The following PCSK5 variants were observed in gnomAD, a reference collection of about 807,000 sequenced individuals.
PCSK5 encodes proprotein convertase subtilisin/kexin type 5, also known as prohormone convertase 5.
In PCSK5, 129 loss-of-function variants were observed where a neutral mutation model predicts 233.2. The observed-to-expected ratio is 0.55, with a 90% confidence interval of 0.48 to 0.64. PCSK5 has a LOEUF of 0.64. PCSK5 is among the 30% of genes least tolerant of loss of function. PCSK5 has a pLI of 0.00. For synonymous variants in PCSK5, 825 were observed against 879.2 expected (o/e 0.94, Z 1.09); for missense variants, 2,076 against 2,430.1 (o/e 0.85, Z 3.06).
intron 2 of PCSK5, among the ~76,000 whole-genome samples, chr9:75,967,044 C>G (rs6560478): frequency 0.33 from 50,655 of 151,628 alleles, 8,652 homozygotes; most frequent in Middle Eastern, 0.37. Context: ...TTGAATCTTA[C>G]TGCAAATACA....
At chr9:76,163,719 TTTTAGATGAGAGCAAC>T (rs1374112040) in intron 12 of PCSK5, among the ~76,000 whole-genome samples, 7 of 152,092 alleles carry the variant, frequency 4.6e-5, no homozygotes, top group Non-Finnish European at 8.8e-5. Flanking sequence ...TTGAAAATGT[TTTTAGATGAGAGCAAC>T]TTTAGATATA....
At chr9:76,040,385 GTCTCTCTCTC>G (rs5898445) in intron 5 of PCSK5, among the ~76,000 whole-genome samples, 8 of 80,622 alleles carry the variant, frequency 9.9e-5, no homozygotes, top group African/African-American at 1.7e-4. Context: ...CTCTCTCTCT[GTCTCTCTCTC>G]TCTCTCTCTC....
intron 5 of PCSK5, among the ~76,000 whole-genome samples, chr9:76,042,759 C>T (rs1268106584): frequency 1.3e-5 from 2 of 152,226 alleles, no homozygotes; most frequent in Admixed American, 1.3e-4. Context: ...AAGCACTCCA[C>T]TCCCACCAAA....
chr9:76,122,829 T>TTTTTTTTTTTTTC (rs1832697773), intron 9 of PCSK5, among the ~76,000 whole-genome samples: 1 of 126,642 alleles, frequency 7.9e-6, no homozygotes, highest in Non-Finnish European at 1.7e-5. Context: ...TTTTTTTTCT[T>TTTTTTTTTTTTTC]TTTTTTTTTT....
At chr9:76,343,333 T>TTGTGTGTGTGTG (rs57513234) in intron 35 of PCSK5, among the ~76,000 whole-genome samples, 73 of 133,896 alleles carry the variant, frequency 5.5e-4, no homozygotes, top group East Asian at 2.3e-3. Context: ...CCTGGGTAAT[T>TTGTGTGTGTGTG]TGTGTGTGTG....
At chr9:76,054,812 A>T (rs1258327326) in intron 5 of PCSK5, among the ~76,000 whole-genome samples, 1 of 152,024 alleles carries the variant, frequency 6.6e-6, no homozygotes, top group Non-Finnish European at 1.5e-5. Context: ...TACAGGCCTT[A>T]CTCAGATTTC....
chr9:76,343,839 G>A (rs139054756), intron 35 of PCSK5, among the ~76,000 whole-genome samples: 1 of 152,116 alleles, frequency 6.6e-6, no homozygotes, highest in East Asian at 1.9e-4. Context: ...AGACAGCCAA[G>A]GTCCCCGCAG....
chr9:76,238,981 C>A lies in PCSK5; in HGVS notation c.2889C>A (p.Phe963Leu). The part of the protein sequence containing the change: ...CGADNYGREH[F>L]LYQGECGDSC... ...CAGACAACTATGGCCGAGAGCACTT[C>A]CTGTACCAGGGAGAGTGTGGAGATA... is the stretch of plus-strand genomic sequence containing the variant. The change falls in exon 23 of 38, where the codon TTC becomes TTA. Residue 963 changes from phenylalanine (F) to leucine (L), a missense_variant. This residue lies in a region of PCSK5 where 1,510 missense variants were observed against 1,538.1 expected (regional missense o/e 0.98). Coordinates refer to ENST00000674117, the MANE Select transcript of PCSK5 (RefSeq NM_001372043.1). The A allele has an allele frequency of 6.2e-7, 1 of 1,612,284 alleles. No individual in the cohort carries two copies. The highest frequency in any genetic ancestry group is 1.1e-5 in the South Asian group (1 of 90,852).
intron 35 of PCSK5, among the ~76,000 whole-genome samples, chr9:76,343,596 C>T (rs891284905): frequency 2.0e-5 from 3 of 152,072 alleles, no homozygotes; most frequent in African/African-American, 7.2e-5. Context: ...TCTCTTCTCC[C>T]ATCCTCTAAT....
intron 20 of PCSK5, among the ~76,000 whole-genome samples, chr9:76,196,174 A>T (rs1242631433): frequency 6.6e-6 from 1 of 152,358 alleles, no homozygotes; most frequent in South Asian, 2.1e-4. Context: ...TATTGTTTCT[A>T]TCAGATTGTA....
In PCSK5 at chr9:76,253,121, G is replaced by A. The variant is rs190783875; in HGVS notation, c.3142+12437G>A. Among the ~76,000 whole-genome samples the A allele has an allele frequency of 2.6e-3, 394 of 152,232 alleles. 2 individuals are homozygous for A. Among genetic ancestry groups the A allele is most frequent in the African/African-American group, 8.8e-3 (364 of 41,522 alleles). On this transcript the variant is annotated intron_variant, in intron 24 of 37. Transcript: ENST00000674117. ...CGCTGCTCAGCATTCATAAAGCATCGTCTTTTCAGGGACCTAGTGCATCAT... is the reference window on the plus strand; with the variant it reads ...CGCTGCTCAGCATTCATAAAGCATCATCTTTTCAGGGACCTAGTGCATCAT...
chr9:75,982,996 C>A (rs1826346237), intron 2 of PCSK5, among the ~76,000 whole-genome samples: 1 of 151,950 alleles, frequency 6.6e-6, no homozygotes, highest in African/African-American at 2.4e-5. Context: ...GTTGTTCCAA[C>A]CAATGTGTTC....
chr9:76,046,586 A>C (rs1348835004), intron 5 of PCSK5, among the ~76,000 whole-genome samples: 1 of 101,218 alleles, frequency 9.9e-6, no homozygotes, highest in African/African-American at 3.9e-5. Flanking sequence ...TTTGAGACGG[A>C]GTGTGGCTCT....
chr9:76,013,811 G>T lies in PCSK5; in HGVS notation c.412-9927G>T, dbSNP rs115799321. ...TCATGAGATTATTGTCATTTTTGAAGCAATATAAATGAAGAAAGATGACAT... is the reference window on the plus strand; with the variant it reads ...TCATGAGATTATTGTCATTTTTGAATCAATATAAATGAAGAAAGATGACAT... On this transcript the variant is annotated intron_variant, in intron 3 of 37. Transcript: ENST00000674117. 6.3e-3 allele frequency among the ~76,000 whole-genome samples: 952 copies of T among 152,076 alleles called. 14 individuals carry two copies. Among genetic ancestry groups the T allele is most frequent in the African/African-American group, 0.02 (847 of 41,490 alleles).
intron 28 of PCSK5, among the ~76,000 whole-genome samples, chr9:76,307,308 A>G (rs1223028463): frequency 1.3e-5 from 2 of 152,158 alleles, no homozygotes; most frequent in Non-Finnish European, 2.9e-5. Context: ...GAGAGGAAGG[A>G]AGGGAGAAAG....
intron 21 of PCSK5, among the ~76,000 whole-genome samples, chr9:76,228,958 A>G (rs1825985739): frequency 6.6e-6 from 1 of 152,176 alleles, no homozygotes; most frequent in Non-Finnish European, 1.5e-5. Flanking sequence ...TGTGGAATCA[A>G]TATCATAGGT....
At chr9:75,977,170 A>G (rs1479406816) in intron 2 of PCSK5, among the ~76,000 whole-genome samples, 1 of 152,202 alleles carries the variant, frequency 6.6e-6, no homozygotes, top group African/African-American at 2.4e-5. Context: ...GGAATAAACC[A>G]AATTGTTCTT....
At chr9:76,084,463 A>G (rs1283669382) in intron 7 of PCSK5, among the ~76,000 whole-genome samples, 1 of 152,162 alleles carries the variant, frequency 6.6e-6, no homozygotes, top group Non-Finnish European at 1.5e-5. Flanking sequence ...CCTATTTTAA[A>G]TCCCTCTGTT....
intron 22 of PCSK5, among the ~76,000 whole-genome samples, chr9:76,236,551 TA>T (rs1353238844): frequency 6.6e-6 from 1 of 152,198 alleles, no homozygotes; most frequent in East Asian, 1.9e-4. Flanking sequence ...CCTGGGCAAG[TA>T]GCCAAAAATT....
Sources: allele counts gnomAD v4.1 joint callset (sites outside exome capture counted in the v4.1 genomes callset), GRCh38; gene constraint gnomAD v4.1.1; regional missense constraint gnomAD v4.1.1; transcripts MANE v1.5; gene names NCBI Gene and HGNC (gene_info 2026-07-23, HGNC 2026-07-21).